ZNF707: variants seen among roughly 807,000 people sequenced by gnomAD.
ZNF707 encodes the protein zinc finger protein 707.
Under a neutral mutation model 13.3 loss-of-function variants are expected in ZNF707, and 8 were observed. That is an observed-to-expected ratio of 0.60 (90% confidence interval 0.35 to 1.09). The LOEUF (loss-of-function observed/expected upper bound fraction) is 1.09, where lower values mean the gene tolerates loss of function less well. ZNF707 is among the 50% of genes least tolerant of loss of function. The probability of loss-of-function intolerance (pLI) is 0.02; values close to 1 mark genes in which losing one functional copy is unlikely to be tolerated. For synonymous variants in ZNF707, 225 were observed against 205.6 expected (o/e 1.09, Z -0.81); for missense variants, 530 against 512.6 (o/e 1.03, Z -0.33).
chr8:143,691,821 GA>G, intron 5 of ZNF707, 108 bp downstream of exon 5: 1 of 1,055,780 alleles, frequency 9.5e-7, no homozygotes. Flanking sequence ...TCCCATGGGA[GA>G]GCAGACACAC....
intron 4 of ZNF707, 94 bp downstream of exon 4, chr8:143,691,293 G>T: frequency 6.7e-7 from 1 of 1,494,684 alleles, no homozygotes. Flanking sequence ...ACAGTAGTGG[G>T]GCCTCCCAGC....
intron 3 of ZNF707, among the ~76,000 whole-genome samples, chr8:143,690,637 T>A (rs1816720150): frequency 6.6e-6 from 1 of 152,020 alleles, no homozygotes; most frequent in Non-Finnish European, 1.5e-5. Flanking sequence ...GAAAGTAGAC[T>A]AGATTCTCTT....
Position 143,694,808 on chromosome 8 carries a change from A to C in ZNF707, c.*278A>C. 5.4e-6 allele frequency: 2 copies of C among 373,692 alleles called. No homozygotes were observed. The highest frequency in any genetic ancestry group is 9.5e-6 in the Non-Finnish European group (2 of 209,968). 23.1% of individuals were successfully genotyped at this position (373,692 alleles called of 1,614,324 possible). The stretch of plus-strand genomic sequence containing the variant: ...TGGGGATGTGCTGAGAGTGTGCGCG[A>C]CCCCGGAGCCACGTGCCAGGCCGGG... On this transcript the variant is annotated 3_prime_UTR_variant, in exon 6 of 6. Coordinates refer to ENST00000358656, the MANE Select transcript of ZNF707 (RefSeq NM_001100598.2). This position sits in a 1 kb window ranked among gnomAD's most constrained non-coding sequence, Gnocchi z 4.4.
At chr8:143,689,659 G>A (rs1347522883) in intron 2 of ZNF707, among the ~76,000 whole-genome samples, 2 of 152,310 alleles carry the variant, frequency 1.3e-5, no homozygotes, top group East Asian at 1.9e-4. Context: ...CTGTGGGAAC[G>A]GGCTGCCCGC....
In ZNF707 at chr8:143,694,822, T is replaced by A. The variant is rs2131546070; in HGVS notation, c.*292T>A. On this transcript the variant is annotated 3_prime_UTR_variant, in exon 6 of 6. Transcript: ENST00000358656. This position sits in a 1 kb window ranked among gnomAD's most constrained non-coding sequence, Gnocchi z 4.4. ...GAGTGTGCGCGACCCCGGAGCCACGTGCCAGGCCGGGCTCAGAGGCGGAGA... is the reference window on the plus strand; with the variant it reads ...GAGTGTGCGCGACCCCGGAGCCACGAGCCAGGCCGGGCTCAGAGGCGGAGA... The A allele has an allele frequency of 1.2e-5, 4 of 340,970 alleles. No homozygotes were observed. In the East Asian group the frequency reaches 1.8e-4, roughly 16 times the overall value. 21.1% of individuals were successfully genotyped at this position (340,970 alleles called of 1,614,324 possible).
chr8:143,691,766 T>C, intron 5 of ZNF707, 53 bp downstream of exon 5: 4 of 1,456,804 alleles, frequency 2.7e-6, no homozygotes, highest in Non-Finnish European at 3.7e-6. Context: ...GGCCCACAGC[T>C]CCTGGGTAGT....
At chr8:143,685,625 A>G (rs1335616679) in intron 1 of ZNF707, among the ~76,000 whole-genome samples, 1 of 151,494 alleles carries the variant, frequency 6.6e-6, no homozygotes, top group Non-Finnish European at 1.5e-5. Context: ...GGATCTCTTG[A>G]GGCCAGGAGT....
Position 143,693,810 on chromosome 8 carries a change from G to T in ZNF707, c.396G>T (p.Gln132His), listed in dbSNP as rs932004727. ...TCAGGCTGGACACGGATGACGGGCA[G>T]CTTCCCAGAGCTGCTCCAGAAAGGA... ...KGFRLDTDDG[Q>H]LPRAAPERTD... The change falls in exon 6 of 6, where the codon CAG becomes CAT. Residue 132 changes from glutamine (Q) to histidine (H), a missense_variant. By Grantham distance (24) the Gln-to-His change is conservative (BLOSUM62 0). Transcript: ENST00000358656. The surrounding 1 kb of genome is among the most constrained non-coding windows in gnomAD (Gnocchi z 4.1). 6.2e-7 allele frequency: 1 copy of T among 1,612,758 alleles called. No individual in the cohort carries two copies. The highest frequency in any genetic ancestry group is 2.2e-5 in the East Asian group (1 of 44,886).
In ZNF707 at chr8:143,693,804, C is replaced by T. The variant is rs781920172; in HGVS notation, c.390C>T (p.Asp130=). ...FRKGFRLDTD[D]GQLPRAAPER... ...AGGGCTTCAGGCTGGACACGGATGA[C>T]GGGCAGCTTCCCAGAGCTGCTCCAG... Residue 130 remains aspartate, a synonymous_variant, in exon 6 of 6, where the codon GAC becomes GAT. Coordinates refer to ENST00000358656, the MANE Select transcript of ZNF707 (RefSeq NM_001100598.2). This position sits in a 1 kb window ranked among gnomAD's most constrained non-coding sequence, Gnocchi z 4.1. 202 of 1,612,830 alleles carry T rather than the reference C, an allele frequency of 1.3e-4. No individual in the cohort carries two copies. Among genetic ancestry groups the T allele is most frequent in the Non-Finnish European group, 6.5e-5 (77 of 1,179,824 alleles).
In ZNF707 at chr8:143,693,869, T is replaced by C. The variant is rs1554614378; in HGVS notation, c.455T>C (p.Val152Ala). The change falls in exon 6 of 6, where the codon GTG (valine) becomes GCG (alanine). Residue 152 changes from valine (V) to alanine (A), a missense_variant. By Grantham distance (64) the Val-to-Ala change is moderately conservative. Transcript: ENST00000358656. The surrounding 1 kb of genome is among the most constrained non-coding windows in gnomAD (Gnocchi z 4.1). ...DAKPTAFPCQ[V>A]LTQRCGRRPG... ...AAGCCCACGGCTTTCCCGTGTCAGGTGCTCACGCAGCGTTGTGGGCGGCGG... is the reference window on the plus strand; with the variant it reads ...AAGCCCACGGCTTTCCCGTGTCAGGCGCTCACGCAGCGTTGTGGGCGGCGG... 1 of 1,609,532 alleles carries C rather than the reference T, an allele frequency of 6.2e-7. No homozygotes were observed.
chr8:143,691,049 C>G, intron 3 of ZNF707, 24 bp from the exon 4 acceptor site: 1 of 1,613,536 alleles, frequency 6.2e-7, no homozygotes, highest in Non-Finnish European at 8.5e-7. Context: ...GGAATGGCCT[C>G]TTCGGGAGCT....
intron 1 of ZNF707, among the ~76,000 whole-genome samples, chr8:143,686,400 A>G (rs1224715176): frequency 6.6e-6 from 1 of 151,834 alleles, no homozygotes; most frequent in African/African-American, 2.4e-5. Context: ...CACTGTGGTC[A>G]TTGCTACTTG....
intron 3 of ZNF707, 64 bp downstream of exon 3, chr8:143,690,187 ACACACG>A: frequency 6.3e-7 from 1 of 1,590,096 alleles, no homozygotes; most frequent in Non-Finnish European, 8.5e-7. Flanking sequence ...AGACCCCAGC[ACACACG>A]CGGGGAGGGT....
At chr8:143,692,638 C>T (rs1204314788) in intron 5 of ZNF707, among the ~76,000 whole-genome samples, 3 of 33,364 alleles carry the variant, frequency 9.0e-5, no homozygotes, top group African/African-American at 3.1e-4. Flanking sequence ...GGGGAGGTGT[C>T]GGATCCCCGG....
rs1554614761 is a variant in ZNF707 at position 143,694,417 on chromosome 8, C to T, written c.1003C>T (p.Arg335Trp). ...GTGGCCCAAGGGCTTCAGCATCCAC[C>T]GGAGGCTGCACCTGACGAAGAGGTT... is the stretch of plus-strand genomic sequence containing the variant. ...FRWPKGFSIH[R>W]RLHLTKRFYE... Residue 335 changes from arginine to tryptophan, a missense_variant, in exon 6 of 6, where the codon CGG (arginine) becomes TGG (tryptophan). Coordinates refer to ENST00000358656, the MANE Select transcript of ZNF707 (RefSeq NM_001100598.2). The surrounding 1 kb of genome is among the most constrained non-coding windows in gnomAD (Gnocchi z 4.4). 6.2e-6 allele frequency: 10 copies of T among 1,612,366 alleles called. No homozygotes were observed. Among genetic ancestry groups the T allele is most frequent in the East Asian group, 2.2e-5 (1 of 44,844 alleles).
At position 143,690,864 on chromosome 8, in the gene ZNF707, C is replaced by T. The variant is rs1554613360; in HGVS notation, c.16-209C>T. On this transcript the variant is annotated intron_variant, in intron 3 of 5. Transcript: ENST00000358656. ...CAGGTCCATGGGTCAGGGCCCCTCC[C>T]TTCTGACCTCACTTAACCTTAATCT... 4.5e-6 allele frequency: 3 copies of T among 665,710 alleles called. No individual in the cohort carries two copies. In the African/African-American group the frequency reaches 5.5e-5, roughly 12 times the overall value. 41.2% of individuals were successfully genotyped at this position (665,710 alleles called of 1,614,324 possible).
chr8:143,691,995 A>G lies in ZNF707; in HGVS notation c.256+282A>G, dbSNP rs1312279064. 31 of 1,457,510 alleles carry G rather than the reference A, an allele frequency of 2.1e-5. 1 individual carries two copies. The African/African-American group carries it at 4.3e-4, about 20-fold the overall frequency. The allele number at this position is 1,457,510 out of a possible 1,614,324, so 90.3% of individuals were successfully genotyped here. On this transcript the variant is annotated intron_variant, in intron 5 of 5. Transcript: ENST00000358656. ...GGCTGGAGTGACACTTGAAGCCTGC[A>G]CCTAGCCACCCAGGTGCTGTCCGGC...
intron 1 of ZNF707, among the ~76,000 whole-genome samples, chr8:143,686,006 T>G (rs1206185423): frequency 1.3e-5 from 2 of 152,242 alleles, no homozygotes; most frequent in Non-Finnish European, 2.9e-5. Context: ...TATCTCACGG[T>G]TCTCCCTGAC....
chr8:143,691,048 T>C (rs541618400), intron 3 of ZNF707, 25 bp from the exon 4 acceptor site: 1 of 1,613,348 alleles, frequency 6.2e-7, no homozygotes, highest in Admixed American at 1.7e-5. Flanking sequence ...GGGAATGGCC[T>C]CTTCGGGAGC....
Sources: gnomAD v4.1 joint callset for allele counts (sites outside exome capture counted in the v4.1 genomes callset) on GRCh38, gnomAD v4.1.1 for gene constraint, Gnocchi (gnomAD v3.1) non-coding constraint, MANE v1.5 for transcripts, NCBI Gene and HGNC (gene_info 2026-07-23, HGNC 2026-07-21) for gene names.